ATP2B2: variants seen among roughly 807,000 people sequenced by gnomAD.
The protein encoded by ATP2B2 is plasma membrane calcium-transporting ATPase 2.
In ATP2B2, 15 loss-of-function variants were observed where a neutral mutation model predicts 120.0. The ratio of observed to expected loss-of-function variants is 0.12; its 90% CI spans 0.08 to 0.19. The LOEUF is 0.19. Among genes scored for constraint, ATP2B2 ranks in the 10% least tolerant of loss-of-function variants. The pLI, the probability that ATP2B2 is intolerant of heterozygous loss-of-function variation, is 1.00. For synonymous variants in ATP2B2, 694 were observed against 700.3 expected (o/e 0.99, Z 0.14); for missense variants, 1,045 against 1,719.8 (o/e 0.61, Z 6.94).
chr3:10,647,550 C>T (rs1235282164), intron 1 of ATP2B2, among the ~76,000 whole-genome samples: 1 of 152,084 alleles, frequency 6.6e-6, no homozygotes, highest in African/African-American at 2.4e-5. Flanking sequence ...GGAGGATGAA[C>T]ATGAGGAGGG....
In ATP2B2 at chr3:10,402,194, G is replaced by C; in HGVS notation, c.552C>G (p.Ser184Arg). ...SKEKQFRGLQ[S>R]RIEQEQKFTV... ...TAAATTTCTGTTCCTGCTCGATGCG[G>C]CTCTGCAGGCCCCGGAACTGTTTCT... Residue 184 changes from serine to arginine, a missense_variant, in exon 4 of 23, where the codon AGC (serine) becomes AGG (arginine). This residue lies in a region of ATP2B2 where 30 missense variants were observed against 66.7 expected (regional missense o/e 0.45). Coordinates refer to ENST00000360273, the MANE Select transcript of ATP2B2 (RefSeq NM_001001331.4). The surrounding 1 kb of genome is among the most constrained non-coding windows in gnomAD (Gnocchi z 4.9). 6.2e-7 allele frequency: 1 copy of C among 1,614,210 alleles called. No homozygotes were observed. The highest frequency in any genetic ancestry group is 2.2e-5 in the East Asian group (1 of 44,882).
At chr3:10,480,096 T>C (rs1033603658) in intron 1 of ATP2B2, among the ~76,000 whole-genome samples, 2 of 152,176 alleles carry the variant, frequency 1.3e-5, no homozygotes, top group African/African-American at 4.8e-5. Flanking sequence ...AGACCCTGCC[T>C]CACTAATTTG....
intron 2 of ATP2B2, among the ~76,000 whole-genome samples, chr3:10,552,905 C>CT (rs5846671): frequency 0.054 from 8,234 of 152,270 alleles, 366 homozygotes; most frequent in African/African-American, 0.12. Flanking sequence ...TATGTGCTGT[C>CT]TCATTTACTT....
intron 1 of ATP2B2, among the ~76,000 whole-genome samples, chr3:10,452,545 A>G (rs117771211): frequency 6.6e-6 from 1 of 152,330 alleles, no homozygotes; most frequent in East Asian, 1.9e-4. Context: ...AGCTGGGTAG[A>G]GAAAATCCAA....
chr3:10,545,477 C>T (rs1370697408), intron 2 of ATP2B2, among the ~76,000 whole-genome samples: 1 of 149,938 alleles, frequency 6.7e-6, no homozygotes, highest in Non-Finnish European at 1.5e-5. Flanking sequence ...TACAGTGAGC[C>T]AAGATCGTGC....
intron 22 of ATP2B2, among the ~76,000 whole-genome samples, chr3:10,337,974 C>T (rs957620211): frequency 2.6e-5 from 4 of 152,302 alleles, no homozygotes; most frequent in South Asian, 4.1e-4. Context: ...CACAATGGGA[C>T]CTCTCTGAGG....
chr3:10,509,513 A>G (rs1201367443), upstream of ATP2B2, among the ~76,000 whole-genome samples: 1 of 152,182 alleles, frequency 6.6e-6, no homozygotes, highest in Non-Finnish European at 1.5e-5. Context: ...GAAAATTGAG[A>G]CCTGGAGACC....
rs1262681625 is a variant in ATP2B2 at position 10,342,025 on chromosome 3, G to C, written c.2917+727C>G. Among the ~76,000 whole-genome samples, 1 of 152,232 alleles carries C rather than the reference G, an allele frequency of 6.6e-6. No homozygotes were observed. The highest frequency in any genetic ancestry group is 1.5e-5 in the Non-Finnish European group (1 of 68,042). ...GGCCCTGATTCCATGTGGGACTGCG[G>C]GCCAGACCCTTCCCCTCTCTGGGCC... On this transcript the variant is annotated intron_variant, in intron 19 of 22. Coordinates refer to ENST00000360273, the MANE Select transcript of ATP2B2 (RefSeq NM_001001331.4). The surrounding 1 kb of genome is among the most constrained non-coding windows in gnomAD (Gnocchi z 4.4).
chr3:10,562,213 A>G (rs774882347), intron 2 of ATP2B2, among the ~76,000 whole-genome samples: 36 of 152,244 alleles, frequency 2.4e-4, no homozygotes, highest in Admixed American at 1.3e-4. Context: ...GATGAGCTGC[A>G]CCTTCAGGTG....
intron 3 of ATP2B2, among the ~76,000 whole-genome samples, chr3:10,518,197 C>T (rs924669662): frequency 1.4e-4 from 21 of 152,320 alleles, no homozygotes; most frequent in Non-Finnish European, 2.1e-4. Context: ...CTTTTAGAAA[C>T]ATATGTATCT....
At chr3:10,419,860 T>A (rs1460775294) in intron 2 of ATP2B2, among the ~76,000 whole-genome samples, 1 of 152,156 alleles carries the variant, frequency 6.6e-6, no homozygotes, top group African/African-American at 2.4e-5. Context: ...AGTGACCCTA[T>A]CTGGTGAAGC....
intron 3 of ATP2B2, among the ~76,000 whole-genome samples, chr3:10,523,834 T>A (rs1288745475): frequency 7.4e-6 from 1 of 135,456 alleles, no homozygotes; most frequent in Non-Finnish European, 1.5e-5. Flanking sequence ...TCCTCTTCTC[T>A]AAAATGCAGA....
At chr3:10,696,439 G>A (rs2071742687) in intron 1 of ATP2B2, among the ~76,000 whole-genome samples, 1 of 152,186 alleles carries the variant, frequency 6.6e-6, no homozygotes, top group Non-Finnish European at 1.5e-5. Context: ...GAGGGCAGGT[G>A]TCAGATGCAG....
At chr3:10,550,046 C>T (rs973150255) in intron 2 of ATP2B2, among the ~76,000 whole-genome samples, 1 of 152,256 alleles carries the variant, frequency 6.6e-6, no homozygotes, top group Non-Finnish European at 1.5e-5. Flanking sequence ...ATTCTGTCAA[C>T]AGCCCAAAGA....
At chr3:10,692,654 G>A (rs2071685015) in intron 1 of ATP2B2, among the ~76,000 whole-genome samples, 2 of 152,202 alleles carry the variant, frequency 1.3e-5, no homozygotes, top group African/African-American at 4.8e-5. Flanking sequence ...CCTCCAGGAT[G>A]TGGGTTCCCG....
Position 10,412,676 on chromosome 3 carries a change from C to T in ATP2B2, c.200-1861G>A, listed in dbSNP as rs1001435705. 7.9e-5 allele frequency among the ~76,000 whole-genome samples: 12 copies of T among 152,284 alleles called. No homozygotes were observed. In the South Asian group the frequency reaches 2.5e-3, roughly 32 times the overall value. On this transcript the variant is annotated intron_variant, in intron 2 of 22. Transcript: ENST00000360273. The stretch of plus-strand genomic sequence containing the variant: ...CTTACCACTTCCCCAGACCCCTGTC[C>T]TACTTGGGCCGTGGACCTTGGGGAC...
intron 1 of ATP2B2, among the ~76,000 whole-genome samples, chr3:10,673,806 C>CAAAAAAAAAA (rs549651187): frequency 1.4e-5 from 1 of 73,772 alleles, no homozygotes; most frequent in African/African-American, 5.6e-5. Flanking sequence ...GACCCTGTTT[C>CAAAAAAAAAA]AAAAAAAAAA....
At chr3:10,466,364 A>G (rs2064740759) in intron 1 of ATP2B2, among the ~76,000 whole-genome samples, 1 of 152,216 alleles carries the variant, frequency 6.6e-6, no homozygotes, top group South Asian at 2.1e-4. Context: ...GTGGTTGTGT[A>G]TAAGCTAGCC....
chr3:10,383,018 G>A (rs1472988612), intron 8 of ATP2B2, among the ~76,000 whole-genome samples: 1 of 150,948 alleles, frequency 6.6e-6, no homozygotes, highest in Non-Finnish European at 1.5e-5. Context: ...CCTTCAGTTG[G>A]TCTGGGGTGG....
Sources: allele counts gnomAD v4.1 joint callset (sites outside exome capture counted in the v4.1 genomes callset), GRCh38; gene constraint gnomAD v4.1.1; regional missense constraint gnomAD v4.1.1; non-coding constraint Gnocchi (gnomAD v3.1); transcripts MANE v1.5; gene names NCBI Gene and HGNC (gene_info 2026-07-23, HGNC 2026-07-21).